KCTD8: variants seen among roughly 807,000 people sequenced by gnomAD.
KCTD8 encodes the protein potassium channel tetramerization domain containing 8, also known as BTB/POZ domain-containing protein KCTD8.
In KCTD8, 27 loss-of-function variants were observed where a neutral mutation model predicts 31.5. The observed-to-expected ratio is 0.86, with a 90% CI of 0.63 to 1.18. The LOEUF is 1.18. Among genes scored for constraint, KCTD8 ranks in the 50% most tolerant of loss-of-function variants. The pLI is 0.00. For synonymous variants in KCTD8, 290 were observed against 280.0 expected (o/e 1.04, Z -0.36); for missense variants, 658 against 647.7 (o/e 1.02, Z -0.17).
chr4:44,328,634 C>G (rs1718516371), intron 1 of KCTD8, among the ~76,000 whole-genome samples: 1 of 151,848 alleles, frequency 6.6e-6, no homozygotes, highest in Non-Finnish European at 1.5e-5. Context: ...TCTGCAATAG[C>G]AAAAATCATG....
intron 1 of KCTD8, among the ~76,000 whole-genome samples, chr4:44,300,256 T>C (rs191104095): frequency 6.3e-4 from 96 of 152,246 alleles, no homozygotes; most frequent in African/African-American, 2.3e-3. Flanking sequence ...TCTATTTCAG[T>C]TCCCAATCAC....
intron 1 of KCTD8, among the ~76,000 whole-genome samples, chr4:44,389,930 C>T (rs1019353519): frequency 6.6e-6 from 1 of 151,614 alleles, no homozygotes; most frequent in Admixed American, 6.6e-5. Context: ...ATGTGTGTAT[C>T]TTTTTTTGAG....
At chr4:44,269,685 A>C (rs1461359554) in intron 1 of KCTD8, among the ~76,000 whole-genome samples, 2 of 152,182 alleles carry the variant, frequency 1.3e-5, no homozygotes, top group Non-Finnish European at 2.9e-5. Flanking sequence ...AACTCAAACA[A>C]ATTTACAAGA....
chr4:44,406,810 T>C (rs1327695493), intron 1 of KCTD8, among the ~76,000 whole-genome samples: 1 of 152,196 alleles, frequency 6.6e-6, no homozygotes, highest in African/African-American at 2.4e-5. Context: ...CATCTGTGTT[T>C]CTTGACACAT....
intron 1 of KCTD8, among the ~76,000 whole-genome samples, chr4:44,444,874 AT>A (rs2109487136): frequency 6.6e-6 from 1 of 152,268 alleles, no homozygotes; most frequent in African/African-American, 2.4e-5. Flanking sequence ...TGTCACCTGG[AT>A]TTTAAAAGGT....
At chr4:44,315,418 T>C (rs547715284) in intron 1 of KCTD8, among the ~76,000 whole-genome samples, 1 of 152,198 alleles carries the variant, frequency 6.6e-6, no homozygotes, top group Non-Finnish European at 1.5e-5. Flanking sequence ...TAATTTAACA[T>C]GTGATTATGA....
At chr4:44,399,378 A>C (rs745523998) in intron 1 of KCTD8, among the ~76,000 whole-genome samples, 51 of 152,172 alleles carry the variant, frequency 3.4e-4, no homozygotes, top group Admixed American at 1.3e-3. Flanking sequence ...CGCTGAAAAA[A>C]ATTGCTGGGA....
chr4:44,324,609 T>C (rs1354597382), intron 1 of KCTD8, among the ~76,000 whole-genome samples: 1 of 152,084 alleles, frequency 6.6e-6, no homozygotes, highest in Non-Finnish European at 1.5e-5. Context: ...CTAATAAATA[T>C]TAACCATAAA....
intron 1 of KCTD8, among the ~76,000 whole-genome samples, chr4:44,420,658 A>G (rs1220434188): frequency 6.6e-6 from 1 of 152,168 alleles, no homozygotes; most frequent in African/African-American, 2.4e-5. Context: ...AGCTGCAAAT[A>G]CAGGGGAATT....
chr4:44,266,564 G>A (rs1379042427), intron 1 of KCTD8, among the ~76,000 whole-genome samples: 1 of 151,676 alleles, frequency 6.6e-6, no homozygotes, highest in Non-Finnish European at 1.5e-5. Context: ...AAATGTAAAT[G>A]GACTAAATGC....
At position 44,218,294 on chromosome 4, in the gene KCTD8, C is replaced by T. The variant is rs996282580; in HGVS notation, c.962-43044G>A. 4.6e-5 allele frequency among the ~76,000 whole-genome samples: 7 copies of T among 151,478 alleles called. No individual in the cohort carries two copies. In the South Asian group the frequency reaches 8.4e-4, roughly 18 times the overall value. ...GATTATAAGCATGCACCACCACACCCGGCTAATTTTTGTATTTTTAGTAGA... is the reference window on the plus strand; with the variant it reads ...GATTATAAGCATGCACCACCACACCTGGCTAATTTTTGTATTTTTAGTAGA... On this transcript the variant is annotated intron_variant, in intron 1 of 1. Transcript: ENST00000360029.
At chr4:44,289,755 G>C (rs926008637) in intron 1 of KCTD8, among the ~76,000 whole-genome samples, 1 of 152,124 alleles carries the variant, frequency 6.6e-6, no homozygotes, top group Non-Finnish European at 1.5e-5. Flanking sequence ...CCTGCATGGA[G>C]CCTGGGGGAT....
At chr4:44,198,300 A>G (rs545098203) in intron 1 of KCTD8, among the ~76,000 whole-genome samples, 19 of 152,206 alleles carry the variant, frequency 1.2e-4, no homozygotes, top group Non-Finnish European at 2.1e-4. Flanking sequence ...TAAGAAATAT[A>G]GAGAACCCCA....
chr4:44,389,543 T>A (rs907408840), intron 1 of KCTD8, among the ~76,000 whole-genome samples: 1 of 151,762 alleles, frequency 6.6e-6, no homozygotes, highest in Non-Finnish European at 1.5e-5. Flanking sequence ...GTAGTTAAAT[T>A]CATAGAGACA....
chr4:44,308,559 GTATT>G (rs575467984), intron 1 of KCTD8, among the ~76,000 whole-genome samples: 4 of 148,512 alleles, frequency 2.7e-5, no homozygotes, highest in South Asian at 4.3e-4. Flanking sequence ...TTTATTGTCT[GTATT>G]TGTTTGTTAT....
chr4:44,435,379 A>G (rs1017471548), intron 1 of KCTD8, among the ~76,000 whole-genome samples: 4 of 152,060 alleles, frequency 2.6e-5, no homozygotes, highest in South Asian at 2.1e-4. Flanking sequence ...GCTCTTTATC[A>G]CAACTACAAT....
chr4:44,311,262 G>T (rs927249557), intron 1 of KCTD8, among the ~76,000 whole-genome samples: 1 of 151,858 alleles, frequency 6.6e-6, no homozygotes, highest in Non-Finnish European at 1.5e-5. Flanking sequence ...CAATGAGCAC[G>T]TGTGCTCTCT....
intron 1 of KCTD8, among the ~76,000 whole-genome samples, chr4:44,290,790 G>A (rs1470868465): frequency 6.6e-6 from 1 of 151,952 alleles, no homozygotes; most frequent in Non-Finnish European, 1.5e-5. Context: ...CTTACCAAAA[G>A]GTTTGGGATG....
intron 1 of KCTD8, among the ~76,000 whole-genome samples, chr4:44,287,366 T>C (rs1354692476): frequency 1.3e-5 from 2 of 152,220 alleles, no homozygotes; most frequent in Non-Finnish European, 2.9e-5. Flanking sequence ...CTTGATCATG[T>C]TTAAAGTAAA....
Sources: allele counts gnomAD v4.1 joint callset (sites outside exome capture counted in the v4.1 genomes callset), GRCh38; gene constraint gnomAD v4.1.1; transcripts MANE v1.5; gene names NCBI Gene and HGNC (gene_info 2026-07-23, HGNC 2026-07-21).